KCNH5: variants seen among roughly 807,000 people sequenced by gnomAD.
KCNH5 encodes the protein potassium voltage-gated channel subfamily H member 5.
Under a neutral mutation model 96.1 loss-of-function variants are expected in KCNH5, and 46 were observed. The ratio of observed to expected loss-of-function variants is 0.48; its 90% CI spans 0.38 to 0.61. KCNH5 has a LOEUF of 0.61. KCNH5 is among the 20% of genes least tolerant of loss of function. The pLI, the probability that KCNH5 is intolerant of heterozygous loss-of-function variation, is 0.00. For missense variants in KCNH5, 907 were observed against 1,225.8 expected (o/e 0.74, Z 3.88); for synonymous variants, 439 against 449.8 (o/e 0.98, Z 0.30).
intron 9 of KCNH5, among the ~76,000 whole-genome samples, chr14:62,792,986 C>A (rs1302644997): frequency 1.3e-5 from 2 of 151,668 alleles, no homozygotes; most frequent in Non-Finnish European, 3.0e-5. Context: ...AAAATTCTGT[C>A]ATTTGCAATA....
At chr14:62,986,998 A>C in intron 5 of KCNH5, 74 bp downstream of exon 5, 1 of 928,518 alleles carries the variant, frequency 1.1e-6, no homozygotes, top group Non-Finnish European at 1.8e-6. Context: ...AGAAATATCT[A>C]TATTAAATCA....
At chr14:62,963,002 A>T (rs979543273) in intron 6 of KCNH5, among the ~76,000 whole-genome samples, 1 of 152,144 alleles carries the variant, frequency 6.6e-6, no homozygotes, top group African/African-American at 2.4e-5. Context: ...CTGATATATT[A>T]TCAGAAGGTC....
intron 7 of KCNH5, among the ~76,000 whole-genome samples, chr14:62,930,660 A>G (rs1040023285): frequency 1.3e-5 from 2 of 152,142 alleles, no homozygotes; most frequent in African/African-American, 2.4e-5. Context: ...CAAAATTCAC[A>G]CAGCATTGTG....
At chr14:63,017,100 C>T in intron 1 of KCNH5, 146 bp from the exon 2 acceptor site, 2 of 709,774 alleles carry the variant, frequency 2.8e-6, no homozygotes, top group South Asian at 6.1e-5. Flanking sequence ...GTTCTTGAAA[C>T]TGACATAACC....
At chr14:62,771,602 G>T (rs897452077) in intron 10 of KCNH5, among the ~76,000 whole-genome samples, 14 of 152,184 alleles carry the variant, frequency 9.2e-5, no homozygotes, top group African/African-American at 3.4e-4. Context: ...TCCAGCCTGG[G>T]TGACAGAGCG....
At chr14:62,937,891 T>C (rs1217778838) in intron 7 of KCNH5, among the ~76,000 whole-genome samples, 3 of 152,056 alleles carry the variant, frequency 2.0e-5, no homozygotes, top group African/African-American at 7.2e-5. Flanking sequence ...TGGGTCCTCA[T>C]AAGGGAAAGA....
chr14:62,847,943 T>C (rs1887731376), intron 8 of KCNH5, among the ~76,000 whole-genome samples: 1 of 152,214 alleles, frequency 6.6e-6, no homozygotes, highest in South Asian at 2.1e-4. Flanking sequence ...GTTAAGCATG[T>C]CCTCAAGGGG....
chr14:62,816,039 AC>A (rs1886971217), intron 8 of KCNH5, among the ~76,000 whole-genome samples: 1 of 151,912 alleles, frequency 6.6e-6, no homozygotes, highest in Non-Finnish European at 1.5e-5. Flanking sequence ...ATATTCAGAT[AC>A]ATACATACAT....
intron 5 of KCNH5, 130 bp from the exon 6 acceptor site, chr14:62,981,394 T>C (rs1182479170): frequency 2.3e-6 from 2 of 862,254 alleles, no homozygotes; most frequent in African/African-American, 3.4e-5. Context: ...TCTCCTGAGT[T>C]GTCCTAAAAT....
chr14:62,812,148 C>A (rs567008826), intron 8 of KCNH5, among the ~76,000 whole-genome samples: 1 of 152,212 alleles, frequency 6.6e-6, no homozygotes, highest in Non-Finnish European at 1.5e-5. Context: ...AATATAATAT[C>A]TGGTACCTTC....
At chr14:62,914,436 A>G (rs1337935636) in intron 7 of KCNH5, among the ~76,000 whole-genome samples, 1 of 152,216 alleles carries the variant, frequency 6.6e-6, no homozygotes, top group East Asian at 1.9e-4. Context: ...GATACTTAAA[A>G]TAATGATCTT....
intron 7 of KCNH5, among the ~76,000 whole-genome samples, chr14:62,869,309 G>GT (rs1224398745): frequency 2.6e-4 from 39 of 151,000 alleles, no homozygotes; most frequent in African/African-American, 8.7e-4. Context: ...TTTTTTTCAT[G>GT]TTTTTTGGCC....
Position 62,792,654 on chromosome 14 carries a change from A to G in KCNH5, c.1822+9675T>C, listed in dbSNP as rs147093827. Among the ~76,000 whole-genome samples, 1,464 of 151,740 alleles carry G rather than the reference A, an allele frequency of 9.6e-3. 11 individuals carry two copies. Among genetic ancestry groups the G allele is most frequent in the Middle Eastern group, 0.02 (6 of 294 alleles). On this transcript the variant is annotated intron_variant, in intron 9 of 10. Coordinates refer to ENST00000322893, the MANE Select transcript of KCNH5 (RefSeq NM_139318.5). ...AGAGTTGAAGCCTACGATATCGTTC[A>G]TATTATAACTAAGTCTTAGAACTTT...
chr14:62,999,701 TG>T (rs1890975222), intron 4 of KCNH5, among the ~76,000 whole-genome samples: 1 of 98,632 alleles, frequency 1.0e-5, no homozygotes, highest in Non-Finnish European at 1.9e-5. Flanking sequence ...CATCACACTC[TG>T]GGGACTGTTG....
At chr14:62,801,198 A>C (rs1402245439) in intron 9 of KCNH5, among the ~76,000 whole-genome samples, 1 of 151,958 alleles carries the variant, frequency 6.6e-6, no homozygotes, top group Non-Finnish European at 1.5e-5. Context: ...AGTTTTTAAA[A>C]TCTATCAGTT....
At chr14:62,873,529 C>T (rs940974046) in intron 7 of KCNH5, among the ~76,000 whole-genome samples, 1 of 152,072 alleles carries the variant, frequency 6.6e-6, no homozygotes, top group Non-Finnish European at 1.5e-5. Flanking sequence ...AATGAGTTGT[C>T]CTACTGGCTA....
intron 6 of KCNH5, among the ~76,000 whole-genome samples, chr14:62,965,925 T>C (rs1473947005): frequency 5.3e-5 from 8 of 152,184 alleles, no homozygotes; most frequent in Non-Finnish European, 1.2e-4. Context: ...AGTAGCATCA[T>C]ATTGAACATA....
chr14:62,932,664 T>C (rs900925452), intron 7 of KCNH5, among the ~76,000 whole-genome samples: 4 of 151,998 alleles, frequency 2.6e-5, no homozygotes, highest in Non-Finnish European at 5.9e-5. Context: ...AACGAATCCA[T>C]AGAAAGATAC....
chr14:62,849,758 T>C lies in KCNH5; in HGVS notation c.1464A>G (p.Val488=). The change falls in exon 8 of 11, where the codon GTA becomes GTG. Residue 488 remains valine, a synonymous_variant. Transcript: ENST00000322893. ...CCTGATAGAGTTTTAGGAAGTCCCG[T>C]ACATTATTCAGCATCTCATGGTATC... The part of the protein sequence containing the change: ...TNRYHEMLNN[V]RDFLKLYQVP... 6.2e-7 allele frequency: 1 copy of C among 1,613,896 alleles called. No individual in the cohort carries two copies. Among genetic ancestry groups the C allele is most frequent in the Non-Finnish European group, 8.5e-7 (1 of 1,179,808 alleles).
Sources: allele counts gnomAD v4.1 joint callset (sites outside exome capture counted in the v4.1 genomes callset), GRCh38; gene constraint gnomAD v4.1.1; transcripts MANE v1.5; gene names NCBI Gene and HGNC (gene_info 2026-07-23, HGNC 2026-07-21).